Variants in RAD51B observed in about 807,000 individuals in gnomAD.
RAD51B encodes the protein DNA repair protein RAD51 homolog 2.
A neutral mutation model predicts 42.2 loss-of-function variants in RAD51B; 38 were observed. The observed-to-expected ratio is 0.90, with a 90% CI of 0.70 to 1.18. The LOEUF is 1.18. Ranked by LOEUF, RAD51B falls within the 50% of genes most tolerant of loss-of-function variation. RAD51B has a pLI of 0.00. For missense variants in RAD51B, 373 were observed against 400.7 expected (o/e 0.93, Z 0.59); for synonymous variants, 154 against 145.2 (o/e 1.06, Z -0.43).
At chr14:68,274,878 G>A (rs1054491309) in intron 7 of RAD51B, among the ~76,000 whole-genome samples, 5 of 152,162 alleles carry the variant, frequency 3.3e-5, no homozygotes, top group African/African-American at 4.8e-5. Context: ...AGGGTTTAGA[G>A]GGTTTTGTTT....
rs572459082 is a variant in RAD51B at position 68,604,155 on chromosome 14, G to A, written c.1037-6851G>A. Among the ~76,000 whole-genome samples, 7 of 152,316 alleles carry A rather than the reference G, an allele frequency of 4.6e-5. No individual in the cohort carries two copies. The South Asian group carries it at 8.3e-4, about 18-fold the overall frequency. ...GGCTGGGGAGTCCGTCTAGAAAGTCGCCTTTCATGGTGAGGCCAGGTGCAC... is the reference window on the plus strand; with the variant it reads ...GGCTGGGGAGTCCGTCTAGAAAGTCACCTTTCATGGTGAGGCCAGGTGCAC... On this transcript the variant is annotated intron_variant, in intron 10 of 10. Coordinates refer to the RAD51B transcript ENST00000487861.
chr14:67,839,707 C>T (rs974818564), intron 4 of RAD51B, among the ~76,000 whole-genome samples: 2 of 151,862 alleles, frequency 1.3e-5, no homozygotes, highest in Non-Finnish European at 2.9e-5. Flanking sequence ...CTTATTATCT[C>T]CTTTTATTTA....
chr14:68,604,401 CGGT>C (rs1333043865), intron 10 of RAD51B, among the ~76,000 whole-genome samples: 1 of 152,180 alleles, frequency 6.6e-6, no homozygotes, highest in Non-Finnish European at 1.5e-5. Flanking sequence ...GTACAATTAT[CGGT>C]GGCCACTGAG....
intron 7 of RAD51B, among the ~76,000 whole-genome samples, chr14:68,276,563 C>T (rs1448518033): frequency 6.6e-6 from 1 of 152,098 alleles, no homozygotes; most frequent in Non-Finnish European, 1.5e-5. Flanking sequence ...TTCAACTATG[C>T]TTCCAGTATC....
chr14:67,931,922 C>T (rs1336775037), intron 7 of RAD51B, among the ~76,000 whole-genome samples: 1 of 152,162 alleles, frequency 6.6e-6, no homozygotes, highest in Non-Finnish European at 1.5e-5. Flanking sequence ...GACATCTGCA[C>T]ACCTGGTATA....
chr14:68,669,627 TAC>T (rs34821600), intron 11 of RAD51B, among the ~76,000 whole-genome samples: 34,621 of 147,740 alleles, frequency 0.23, 4,604 homozygotes, highest in African/African-American at 0.38. Flanking sequence ...ACCCGCCACT[TAC>T]ACACACACAC....
intron 7 of RAD51B, among the ~76,000 whole-genome samples, chr14:68,057,821 TTGTG>T (rs140213534): frequency 9.2e-4 from 128 of 138,658 alleles, no homozygotes; most frequent in East Asian, 4.2e-3. Flanking sequence ...TTTTAGTTCT[TTGTG>T]TGTGTGTGTG....
chr14:68,561,074 C>T (rs999288738), intron 10 of RAD51B, among the ~76,000 whole-genome samples: 4 of 152,186 alleles, frequency 2.6e-5, no homozygotes, highest in African/African-American at 9.7e-5. Flanking sequence ...AATGGTTTGG[C>T]AGAAATATTG....
chr14:68,613,418 CA>C (rs112036417), downstream of RAD51B, among the ~76,000 whole-genome samples: 27 of 138,464 alleles, frequency 1.9e-4, no homozygotes, highest in East Asian at 6.4e-4. Context: ...AACTCTGTCT[CA>C]AAAAAAAAAA....
At chr14:68,216,388 C>T (rs996108097) in intron 7 of RAD51B, among the ~76,000 whole-genome samples, 1 of 152,166 alleles carries the variant, frequency 6.6e-6, no homozygotes, top group African/African-American at 2.4e-5. Context: ...TTCACTTAAT[C>T]CTCATGACAG....
intron 7 of RAD51B, among the ~76,000 whole-genome samples, chr14:68,129,689 G>A (rs546625478): frequency 2.0e-5 from 3 of 152,244 alleles, no homozygotes; most frequent in African/African-American, 4.8e-5. Flanking sequence ...AGATCAAATC[G>A]CAAGGTAAAG....
downstream of RAD51B, among the ~76,000 whole-genome samples, chr14:68,479,688 T>TTTTTTG (rs34627518): frequency 8.8e-5 from 12 of 137,014 alleles, no homozygotes; most frequent in African/African-American, 2.9e-4. Flanking sequence ...TTTTTTTTTT[T>TTTTTTG]GCCAGAGTCT....
chr14:68,353,490 T>C (rs1388157272), intron 8 of RAD51B, among the ~76,000 whole-genome samples: 1 of 152,202 alleles, frequency 6.6e-6, no homozygotes, highest in African/African-American at 2.4e-5. Flanking sequence ...GGCTAGAATA[T>C]TGCCACAGAA....
chr14:68,649,830 T>C (rs577515900), intron 10 of RAD51B, among the ~76,000 whole-genome samples: 1 of 152,316 alleles, frequency 6.6e-6, no homozygotes, highest in East Asian at 1.9e-4. Context: ...CTGATACTGA[T>C]ATGAGCACAA....
intron 10 of RAD51B, among the ~76,000 whole-genome samples, chr14:68,622,983 A>T (rs1303255037): frequency 6.6e-6 from 1 of 152,158 alleles, no homozygotes; most frequent in East Asian, 1.9e-4. Flanking sequence ...CTGGATTCAG[A>T]TCTGAAAGCG....
chr14:68,111,771 G>A (rs1263922075), intron 7 of RAD51B, among the ~76,000 whole-genome samples: 1 of 152,050 alleles, frequency 6.6e-6, no homozygotes, highest in Non-Finnish European at 1.5e-5. Flanking sequence ...ATGGCTGTCA[G>A]CAAGAAGGGA....
At position 67,893,135 on chromosome 14, in the gene RAD51B, G is replaced by A. The variant is rs74552757; in HGVS notation, c.756+5931G>A. ...AAGAGTATCTATGGCAGCTTAATTT[G>A]TAATTGCTCAAAACTGGCAAGATGT... On this transcript the variant is annotated intron_variant, in intron 7 of 10. Coordinates refer to ENST00000471583, the MANE Select transcript of RAD51B (RefSeq NM_133510.4). Among the ~76,000 whole-genome samples, 1,358 of 152,124 alleles carry A rather than the reference G, an allele frequency of 8.9e-3. 23 individuals are homozygous for A. Among genetic ancestry groups the A allele is most frequent in the African/African-American group, 0.031 (1,279 of 41,494 alleles).
intron 7 of RAD51B, among the ~76,000 whole-genome samples, chr14:68,143,535 G>A (rs1044096697): frequency 1.3e-5 from 2 of 152,212 alleles, no homozygotes; most frequent in African/African-American, 4.8e-5. Context: ...TGCTGTGCTT[G>A]CCAAACCCTT....
chr14:68,229,799 G>A (rs928822274), intron 7 of RAD51B, among the ~76,000 whole-genome samples: 2 of 152,274 alleles, frequency 1.3e-5, no homozygotes, highest in East Asian at 1.9e-4. Context: ...TTTGGGATTC[G>A]TCATGTCTTT....
Sources: gnomAD v4.1 joint callset for allele counts (sites outside exome capture counted in the v4.1 genomes callset) on GRCh38, gnomAD v4.1.1 for gene constraint, MANE v1.5 for transcripts, NCBI Gene and HGNC (gene_info 2026-07-23, HGNC 2026-07-21) for gene names.